SPAG5: variants seen among roughly 807,000 people sequenced by gnomAD.
The protein encoded by SPAG5 is sperm-associated antigen 5.
Under a neutral mutation model 145.4 loss-of-function variants are expected in SPAG5, and 99 were observed. That is an observed-to-expected ratio of 0.68 (90% CI 0.58 to 0.80). The LOEUF is 0.80. SPAG5 is among the 30% of genes least tolerant of loss of function. The probability of loss-of-function intolerance (pLI) is 0.00; values close to 1 mark genes in which losing one functional copy is unlikely to be tolerated. For synonymous variants in SPAG5, 477 were observed against 525.4 expected (o/e 0.91, Z 1.26); for missense variants, 1,192 against 1,416.0 (o/e 0.84, Z 2.54).
At chr17:28,590,579 A>G (rs2151522180) in intron 4 of SPAG5, among the ~76,000 whole-genome samples, 1 of 152,114 alleles carries the variant, frequency 6.6e-6, no homozygotes, top group Admixed American at 6.5e-5. Flanking sequence ...TTCTTCACAT[A>G]AACAACAGGG....
chr17:28,598,780 GACTC>G (rs2070687964), intron 1 of SPAG5, 112 bp downstream of exon 1: 2 of 1,509,058 alleles, frequency 1.3e-6, no homozygotes, highest in African/African-American at 1.4e-5. Context: ...GGCGAACAAA[GACTC>G]CACAAGCCCC....
rs747800676 is a variant in SPAG5 at position 28,583,647 on chromosome 17, G to A, written c.2549C>T (p.Ala850Val). The change falls in exon 15 of 24, where the codon GCT (alanine) becomes GTT (valine). Residue 850 changes from alanine (A) to valine (V), a missense_variant and splice_region_variant. Ala to Val is a moderately conservative substitution (Grantham distance 64). Coordinates refer to ENST00000321765, the MANE Select transcript of SPAG5 (RefSeq NM_006461.4). ...ATCTGCTATGGTGCTGGCCAGTTTA[G>A]CCCTGAAATAAGGAACAGGGAAGAT... ...NLKDTVENLT[A>V]KLASTIADNQ... 1.9e-6 allele frequency: 3 copies of A among 1,598,036 alleles called. No homozygotes were observed. The highest frequency in any genetic ancestry group is 2.6e-6 in the Non-Finnish European group (3 of 1,175,184).
In SPAG5 at chr17:28,592,316, G is replaced by A. The variant is rs754048907; in HGVS notation, c.928C>T (p.Pro310Ser). The A allele has an allele frequency of 6.2e-7, 1 of 1,614,114 alleles. No individual in the cohort carries two copies. ...TGGGATTCCATTTCTACTAGATTTG[G>A]TGTCAGGCATGTGGACAGAATATCT... is the stretch of plus-strand genomic sequence containing the variant. ...VEDILSTCLTPNLVEMESQEA... is the reference protein window; with the variant it reads ...VEDILSTCLTSNLVEMESQEA... Residue 310 changes from proline (P) to serine (S), a missense_variant, in exon 3 of 24, where the codon CCA becomes TCA. By Grantham distance (74) the Pro-to-Ser change is moderately conservative (BLOSUM62 -1). Transcript: ENST00000321765.
chr17:28,583,184 G>T (rs2070559678), intron 15 of SPAG5, among the ~76,000 whole-genome samples: 1 of 152,186 alleles, frequency 6.6e-6, no homozygotes, highest in Admixed American at 6.5e-5. Flanking sequence ...TCACCACGTT[G>T]CCCAGGTCGG....
At chr17:28,581,976 C>A (rs1383378310) in intron 15 of SPAG5, among the ~76,000 whole-genome samples, 1 of 152,208 alleles carries the variant, frequency 6.6e-6, no homozygotes, top group Non-Finnish European at 1.5e-5. Flanking sequence ...GATCATCATT[C>A]ACTCTTCTAA....
chr17:28,584,997 C>T (rs1597595586), intron 10 of SPAG5, 105 bp downstream of exon 10: 1 of 1,152,578 alleles, frequency 8.7e-7, no homozygotes, highest in African/African-American at 1.5e-5. Context: ...TGGCTGGCCT[C>T]CAAACCCACA....
chr17:28,598,972 C>T lies in SPAG5; in HGVS notation c.-26G>A. On this transcript the variant is annotated 5_prime_UTR_variant, in exon 1 of 24. The change creates a new upstream start codon in the 5' untranslated region. Transcript: ENST00000321765. ...CTTCAACCAGAAGGCAGGCCTATCA[C>T]GTCTCAGACCAAGTCGAGGACGCCA... The T allele has an allele frequency of 6.2e-7, 1 of 1,612,086 alleles. No homozygotes were observed. Among genetic ancestry groups the T allele is most frequent in the Non-Finnish European group, 8.5e-7 (1 of 1,178,226 alleles).
chr17:28,580,947 A>G (rs899997788), intron 15 of SPAG5, among the ~76,000 whole-genome samples: 1 of 152,168 alleles, frequency 6.6e-6, no homozygotes, highest in Non-Finnish European at 1.5e-5. Flanking sequence ...TCCACAGTCA[A>G]TCTGTCAACT....
chr17:28,583,992 A>G lies in SPAG5; in HGVS notation c.2413-6T>C, dbSNP rs2070566353. On this transcript the variant is annotated splice_region_variant and splice_polypyrimidine_tract_variant and intron_variant, in intron 13 of 23. Transcript: ENST00000321765. ...TGATTCTCCTGGTCTGCAAACTGGG[A>G]AGACAAGAGAAGGAGCAAGACAGGG... 1 of 1,614,004 alleles carries G rather than the reference A, an allele frequency of 6.2e-7. No individual in the cohort carries two copies. Among genetic ancestry groups the G allele is most frequent in the Non-Finnish European group, 8.5e-7 (1 of 1,180,022 alleles).
chr17:28,578,956 A>T (rs1204733515), intron 19 of SPAG5, among the ~76,000 whole-genome samples, 185 bp downstream of exon 19: 1 of 152,188 alleles, frequency 6.6e-6, no homozygotes, highest in Non-Finnish European at 1.5e-5. Context: ...TTCTCTCCTG[A>T]GTCAGCCTGG....
intron 2 of SPAG5, 151 bp downstream of exon 2, chr17:28,598,359 C>A: frequency 2.2e-6 from 2 of 924,880 alleles, no homozygotes; most frequent in Non-Finnish European, 3.1e-6. Context: ...CCTAGGGCAC[C>A]TCTCTGTTGG....
At chr17:28,593,117 A>G (rs752478500) in intron 2 of SPAG5, 51 bp from the exon 3 acceptor site, 1 of 1,581,404 alleles carries the variant, frequency 6.3e-7, no homozygotes, top group Non-Finnish European at 8.6e-7. Flanking sequence ...TCAGTTCCCG[A>G]CATACAATTA....
intron 17 of SPAG5, 76 bp from the exon 18 acceptor site, chr17:28,579,561 A>C: frequency 6.5e-7 from 1 of 1,528,068 alleles, no homozygotes; most frequent in South Asian, 1.2e-5. Context: ...TCATTTCCAC[A>C]ACTCTTATCC....
chr17:28,584,620 A>G lies in SPAG5; in HGVS notation c.2161+32T>C, dbSNP rs202130509. The G allele has an allele frequency of 2.9e-4, 457 of 1,600,220 alleles. 2 individuals are homozygous for G. The African/African-American group carries it at 5.5e-3, about 19-fold the overall frequency. ...GCCTTAACAGGGCTCAAATGCTTACATGCATGCATACACACACACACACAC... is the reference window on the plus strand; with the variant it reads ...GCCTTAACAGGGCTCAAATGCTTACGTGCATGCATACACACACACACACAC... On this transcript the variant is annotated intron_variant, in intron 11 of 23. Transcript: ENST00000321765.
rs1276907859 is a variant in SPAG5, at chr17:28,577,645, G to A, written c.*54C>T. 3.2e-6 allele frequency: 4 copies of A among 1,250,582 alleles called. No homozygotes were observed. Among genetic ancestry groups the A allele is most frequent in the Non-Finnish European group, 4.7e-6 (4 of 848,658 alleles). The allele number at this position is 1,250,582 out of a possible 1,614,324, so 77.5% of individuals were successfully genotyped here. ...TATGCCAGTTGGTCTTGGTATTGGGGTAAGGGGGTATTGCAGGTAAAAAGA... is the reference window on the plus strand; with the variant it reads ...TATGCCAGTTGGTCTTGGTATTGGGATAAGGGGGTATTGCAGGTAAAAAGA... On this transcript the variant is annotated 3_prime_UTR_variant, in exon 24 of 24. Transcript: ENST00000321765.
Position 28,585,978 on chromosome 17 carries a change from C to G in SPAG5, c.1626G>C (p.Leu542Phe). 6.2e-7 allele frequency: 1 copy of G among 1,614,168 alleles called. No homozygotes were observed. The highest frequency in any genetic ancestry group is 1.7e-5 in the Admixed American group (1 of 60,022). Residue 542 changes from leucine (L) to phenylalanine (F), a missense_variant, in exon 7 of 24, where the codon TTG (leucine) becomes TTC (phenylalanine). Leu to Phe is a conservative substitution (Grantham distance 22). This residue lies in a region of SPAG5 where 709 missense variants were observed against 840.7 expected (regional missense o/e 0.84). Transcript: ENST00000321765. ...VSQESRRAETLVCCCFDLLKK... is the reference protein window; with the variant it reads ...VSQESRRAETFVCCCFDLLKK... ...TCAGCAAATCAAAACAGCAACAGAC[C>G]AATGTTTCTGCACGCCGAGACTATA...
At position 28,593,025 on chromosome 17, in the gene SPAG5, G is replaced by A; in HGVS notation, c.219C>T (p.Asn73=). 1 of 1,614,042 alleles carries A rather than the reference G, an allele frequency of 6.2e-7. No individual in the cohort carries two copies. Among genetic ancestry groups the A allele is most frequent in the South Asian group, 1.1e-5 (1 of 91,082 alleles). ...GTTCTGAAGATAAGTCTGTCCTCTT[G>A]TTATTTACAAAATCCACTGGAGATG... ...NNSSPVDFVN[N]KRTDLSSEHF... Residue 73 remains asparagine (N), a synonymous_variant, in exon 3 of 24, where the codon AAC becomes AAT. Coordinates refer to ENST00000321765, the MANE Select transcript of SPAG5 (RefSeq NM_006461.4).
chr17:28,598,321 A>C, intron 2 of SPAG5, 189 bp downstream of exon 2: 1 of 577,894 alleles, frequency 1.7e-6, no homozygotes, highest in Non-Finnish European at 2.9e-6. Flanking sequence ...ACAGAGATTC[A>C]AGTTCTCACT....
Position 28,585,969 on chromosome 17 carries a change from G to C in SPAG5, c.1635C>G (p.Cys545Trp), listed in dbSNP as rs1406638564. 1.2e-6 allele frequency: 2 copies of C among 1,614,198 alleles called. No homozygotes were observed. The highest frequency in any genetic ancestry group is 3.3e-4 in the Middle Eastern group (2 of 6,062). ...ESRRAETLVCCCFDLLKKLRA... is the reference protein window; with the variant it reads ...ESRRAETLVCWCFDLLKKLRA... The stretch of plus-strand genomic sequence containing the variant: ...TCAATTTCTTCAGCAAATCAAAACA[G>C]CAACAGACCAATGTTTCTGCACGCC... Residue 545 changes from cysteine (C) to tryptophan (W), a missense_variant, in exon 7 of 24, where the codon TGC (cysteine) becomes TGG (tryptophan). By Grantham distance (215) the Cys-to-Trp change is radical. Coordinates refer to ENST00000321765, the MANE Select transcript of SPAG5 (RefSeq NM_006461.4).
Sources: allele counts gnomAD v4.1 joint callset (sites outside exome capture counted in the v4.1 genomes callset), GRCh38; gene constraint gnomAD v4.1.1; regional missense constraint gnomAD v4.1.1; transcripts MANE v1.5; gene names NCBI Gene and HGNC (gene_info 2026-07-23, HGNC 2026-07-21).